BCOR: variants seen among roughly 807,000 people sequenced by gnomAD.
BCOR encodes BCL-6 corepressor.
Under a neutral mutation model 86.7 loss-of-function variants are expected in BCOR, and 10 were observed. That is an observed-to-expected ratio of 0.12 (90% CI 0.07 to 0.20). BCOR has a LOEUF of 0.20. Among genes scored for constraint, BCOR ranks in the 10% least tolerant of loss-of-function variants. The pLI is 1.00. For synonymous variants in BCOR, 611 were observed against 609.0 expected, an observed-to-expected ratio of 1.00 and a Z score of -0.05; for missense variants, 1,259 against 1,452.1, an observed-to-expected ratio of 0.87 and a Z score of 2.16.
At chrX:40,172,130 C>T (rs1938637011) in intron 1 of BCOR, among the ~76,000 whole-genome samples, 1 of 112,450 alleles carries the variant, frequency 8.9e-6, no homozygotes, top group Non-Finnish European at 1.9e-5. Flanking sequence ...CACCGACCCG[C>T]GGCACGCAGG....
chrX:40,168,936 G>A (rs1312191053), intron 1 of BCOR, among the ~76,000 whole-genome samples: 1 of 112,417 alleles, frequency 8.9e-6, no homozygotes, highest in African/African-American at 3.2e-5. Flanking sequence ...GCCCGCCCTG[G>A]CCGGCGCAGG....
chrX:40,095,805 C>A (rs1413026862), intron 1 of BCOR, among the ~76,000 whole-genome samples: 8 of 104,411 alleles, frequency 7.7e-5, no homozygotes, highest in Non-Finnish European at 1.6e-4. Context: ...CAGCCTCTAG[C>A]TGGAGATCGC....
chrX:40,062,627 G>GACGT lies in BCOR; in HGVS notation c.4173+115_4173+118dup, dbSNP rs771000360. ...ACATGCTCCTCTAGGACAGGGGAGT[G>GACGT]ACGTGTGGTGTGGGGGAGGAGTCCA... On this transcript the variant is annotated intron_variant, in intron 9 of 14. Coordinates refer to ENST00000378444, the MANE Select transcript of BCOR (RefSeq NM_001123385.2). 33 of 777,833 alleles carry GACGT rather than the reference G, an allele frequency of 4.2e-5. 1 individual carries two copies. In the African/African-American group the frequency reaches 5.9e-4, roughly 14 times the overall value. 64.1% of individuals were successfully genotyped at this position (777,833 alleles called of 1,213,427 possible).
intron 1 of BCOR, among the ~76,000 whole-genome samples, chrX:40,112,047 T>TG (rs917347821): frequency 9.4e-5 from 9 of 96,232 alleles, no homozygotes; most frequent in Non-Finnish European, 1.9e-4. Context: ...GGGGCCGGGG[T>TG]GGGGGGGCGG....
chrX:40,116,689 T>C (rs891453878), intron 1 of BCOR, among the ~76,000 whole-genome samples: 1 of 111,531 alleles, frequency 9.0e-6, no homozygotes, highest in African/African-American at 3.3e-5. Context: ...TTTCGGACTT[T>C]CCAGGCACCT....
chrX:40,139,402 TATATATATATATAATATATATAC>T (rs1937777041), intron 1 of BCOR, among the ~76,000 whole-genome samples: 8 of 18,305 alleles, frequency 4.4e-4, no homozygotes, highest in Admixed American at 1.1e-3. Flanking sequence ...TACATATATA[TATATATATATATAATATATATAC>T]ATATATATAT....
chrX:40,158,321 GCA>G (rs1243139372), intron 1 of BCOR, among the ~76,000 whole-genome samples: 1 of 112,047 alleles, frequency 8.9e-6, no homozygotes, highest in Non-Finnish European at 1.9e-5. Context: ...GGGCGGCTGC[GCA>G]CCGGCCGCCA....
At chrX:40,101,519 A>G (rs1004087659), upstream of BCOR, among the ~76,000 whole-genome samples, 2 of 113,122 alleles carry the variant, frequency 1.8e-5, no homozygotes, top group Non-Finnish European at 3.8e-5. Flanking sequence ...TCTCCTGATT[A>G]TAACAAACCA....
At chrX:40,127,664 A>G (rs1937557944) in intron 1 of BCOR, among the ~76,000 whole-genome samples, 1 of 108,461 alleles carries the variant, frequency 9.2e-6, no homozygotes, top group African/African-American at 3.4e-5. Context: ...TGAGCCCAGG[A>G]GTTCGACACC....
At chrX:40,063,533 A>G in intron 8 of BCOR, 75 bp downstream of exon 8, 1 of 852,531 alleles carries the variant, frequency 1.2e-6, no homozygotes, top group Non-Finnish European at 1.7e-6. Context: ...TCTCCTCAAA[A>G]GCCCTTTCCT....
In BCOR at chrX:40,074,194, G is replaced by A. The variant is rs933737033; in HGVS notation, c.1152C>T (p.Pro384=). 1.6e-6 allele frequency: 2 copies of A among 1,212,261 alleles called. No homozygotes were observed. Among genetic ancestry groups the A allele is most frequent in the South Asian group, 1.8e-5 (1 of 56,996 alleles). ...KPYMTVSSEF[P]AARLSNGKYP... is the part of the protein sequence containing the mutation. ...ACTTGCCATTGGAGAGCCTGGCCGC[G>A]GGGAACTCGCTGCTAACTGTCATGT... The change falls in exon 4 of 15, where the codon CCC becomes CCT. Residue 384 remains proline (P), a synonymous_variant. Coordinates refer to ENST00000378444, the MANE Select transcript of BCOR (RefSeq NM_001123385.2).
intron 2 of BCOR, chrX:40,077,560 T>A: frequency 2.7e-6 from 1 of 364,505 alleles, no homozygotes; most frequent in South Asian, 4.2e-5. Flanking sequence ...CATTTAGAGT[T>A]AAAGCAGTAT....
chrX:40,101,622 G>A (rs1406533024), upstream of BCOR, among the ~76,000 whole-genome samples: 1 of 112,541 alleles, frequency 8.9e-6, no homozygotes, highest in East Asian at 2.8e-4. Context: ...CTCAAGGCAG[G>A]TTGACTCTGC....
chrX:40,124,380 C>A (rs1255270866), intron 1 of BCOR, among the ~76,000 whole-genome samples: 3 of 109,645 alleles, frequency 2.7e-5, no homozygotes, highest in Admixed American at 9.7e-5. Context: ...TCAAGCAATC[C>A]TCCCGCCTCA....
chrX:40,118,863 C>T (rs1352159526), intron 1 of BCOR, among the ~76,000 whole-genome samples: 2 of 111,988 alleles, frequency 1.8e-5, no homozygotes, highest in Non-Finnish European at 3.8e-5. Context: ...GACGGAGGCT[C>T]GCTCTGTTGC....
chrX:40,086,566 G>A (rs1176389044), intron 1 of BCOR, among the ~76,000 whole-genome samples: 3 of 113,361 alleles, frequency 2.6e-5, no homozygotes, highest in Admixed American at 1.8e-4. Flanking sequence ...GATGGAGGGC[G>A]GGTGTGCCGT....
At position 40,071,296 on chromosome X, in the gene BCOR, G is replaced by A. The variant is rs1935467364; in HGVS notation, c.3052-137C>T. 1.5e-5 allele frequency: 9 copies of A among 611,379 alleles called. No individual in the cohort carries two copies. The South Asian group carries it at 2.6e-4, about 17-fold the overall frequency. The allele number at this position is 611,379 out of a possible 1,213,427, so 50.4% of individuals were successfully genotyped here. ...ACCACAGCTTATGAGATGTAACTCA[G>A]ATATTTTAAAGTTTAACAGATAAAA... On this transcript the variant is annotated intron_variant, in intron 5 of 14. Transcript: ENST00000378444.
intron 1 of BCOR, among the ~76,000 whole-genome samples, chrX:40,115,449 A>C (rs1031879399): frequency 1.8e-5 from 2 of 110,811 alleles, no homozygotes; most frequent in African/African-American, 6.6e-5. Flanking sequence ...ATCTGAATGA[A>C]GAGTTGCCTT....
Position 40,097,873 on chromosome X carries a change from C to T in BCOR, c.-699G>A, listed in dbSNP as rs1936970580. On this transcript the variant is annotated 5_prime_UTR_variant, in exon 1 of 15. Coordinates refer to ENST00000378444, the MANE Select transcript of BCOR (RefSeq NM_001123385.2). ...GGTCGCGGTCTGGGCTCCTGCGCGTCTCCCCCGCAGCCGCCGAGCTCGGCC... is the reference window on the plus strand; with the variant it reads ...GGTCGCGGTCTGGGCTCCTGCGCGTTTCCCCCGCAGCCGCCGAGCTCGGCC... Among the ~76,000 whole-genome samples, 1 of 109,855 alleles carries T rather than the reference C, an allele frequency of 9.1e-6. No individual in the cohort carries two copies. Among genetic ancestry groups the T allele is most frequent in the Non-Finnish European group, 1.9e-5 (1 of 52,142 alleles).
Sources: allele counts gnomAD v4.1 joint callset (sites outside exome capture counted in the v4.1 genomes callset), GRCh38; gene constraint gnomAD v4.1.1; transcripts MANE v1.5; gene names NCBI Gene and HGNC (gene_info 2026-07-23, HGNC 2026-07-21).